REDIC1: variants seen among roughly 807,000 people sequenced by gnomAD.
REDIC1 encodes regulator of DNA class I crossover intermediates 1.
chr12:39,626,190 G>T, the REDIC1 span: 14 of 769,634 alleles, frequency 1.8e-5, no homozygotes, highest in East Asian at 3.4e-4. Flanking sequence ...GGGAGGTTGG[G>T]CCTCAGGCGG....
chr12:39,771,878 A>G, the REDIC1 span, among the ~76,000 whole-genome samples: 1 of 151,988 alleles, frequency 6.6e-6, no homozygotes, highest in Non-Finnish European at 1.5e-5. Flanking sequence ...ACTAAACTAA[A>G]TTACTTATTT....
At chr12:39,856,987 T>G in the REDIC1 span, among the ~76,000 whole-genome samples, 5 of 152,214 alleles carry the variant, frequency 3.3e-5, no homozygotes, top group Admixed American at 6.5e-5. Flanking sequence ...CCTGGATAGT[T>G]TATTTCATTT....
At chr12:39,905,586 T>G in the REDIC1 span, among the ~76,000 whole-genome samples, 1 of 152,150 alleles carries the variant, frequency 6.6e-6, no homozygotes. Flanking sequence ...AGTAAATGTG[T>G]ATGAGTGAAT....
At chr12:39,821,859 C>A in the REDIC1 span, among the ~76,000 whole-genome samples, 1 of 151,968 alleles carries the variant, frequency 6.6e-6, no homozygotes, top group Non-Finnish European at 1.5e-5. Flanking sequence ...ATAATACAAT[C>A]GATCACACGT....
chr12:39,682,292 G>A, the REDIC1 span, among the ~76,000 whole-genome samples: 2 of 152,030 alleles, frequency 1.3e-5, no homozygotes, highest in Non-Finnish European at 2.9e-5. Flanking sequence ...TATAGTGGTT[G>A]TCTAGTTTAT....
chr12:39,803,549 CA>C, the REDIC1 span, among the ~76,000 whole-genome samples: 2 of 152,040 alleles, frequency 1.3e-5, no homozygotes, highest in Admixed American at 1.3e-4. Flanking sequence ...TGAAAAAATA[CA>C]TATATACATA....
the REDIC1 span, among the ~76,000 whole-genome samples, chr12:39,707,365 G>A: frequency 2.0e-5 from 3 of 151,806 alleles, no homozygotes; most frequent in Non-Finnish European, 2.9e-5. Context: ...AATTACAAAC[G>A]CTGATGAGGA....
chr12:39,742,998 A>AC, the REDIC1 span, among the ~76,000 whole-genome samples: 22 of 151,498 alleles, frequency 1.5e-4, no homozygotes, highest in South Asian at 8.4e-4. Context: ...AACTCCATGG[A>AC]CCCCCCACCT....
chr12:39,887,423 T>A, the REDIC1 span, among the ~76,000 whole-genome samples: 2 of 152,104 alleles, frequency 1.3e-5, no homozygotes, highest in Non-Finnish European at 2.9e-5. Context: ...CACTGAGGGC[T>A]CTAGAATCAA....
the REDIC1 span, among the ~76,000 whole-genome samples, chr12:39,741,139 T>C: frequency 6.6e-6 from 1 of 152,170 alleles, no homozygotes; most frequent in African/African-American, 2.4e-5. Flanking sequence ...AAACATGTCC[T>C]TAATTTAGAG....
At chr12:39,700,322 C>T in the REDIC1 span, among the ~76,000 whole-genome samples, 2 of 152,024 alleles carry the variant, frequency 1.3e-5, no homozygotes, top group Non-Finnish European at 2.9e-5. Context: ...ATGCGATCAA[C>T]TGGAAGAAAG....
the REDIC1 span, among the ~76,000 whole-genome samples, chr12:39,851,823 T>G: frequency 1.3e-5 from 2 of 152,202 alleles, no homozygotes; most frequent in African/African-American, 4.8e-5. Flanking sequence ...TTTTCAAAAT[T>G]TATTTTCCAT....
chr12:39,854,607 C>A, the REDIC1 span, among the ~76,000 whole-genome samples: 1 of 152,150 alleles, frequency 6.6e-6, no homozygotes, highest in Non-Finnish European at 1.5e-5. Context: ...AGACTCTTCT[C>A]CCTCCAATCT....
the REDIC1 span, among the ~76,000 whole-genome samples, chr12:39,653,551 C>T: frequency 8.9e-4 from 109 of 122,622 alleles, 5 homozygotes; most frequent in African/African-American, 2.1e-3. Flanking sequence ...TCTTCTTCTT[C>T]TTCTTCTTTC....
chr12:39,742,158 A>T, the REDIC1 span, among the ~76,000 whole-genome samples: 1 of 151,586 alleles, frequency 6.6e-6, no homozygotes, highest in Non-Finnish European at 1.5e-5. Flanking sequence ...GAGGGGGTCC[A>T]CTCGGTCAGT....
the REDIC1 span, among the ~76,000 whole-genome samples, chr12:39,669,670 G>A: frequency 1.4e-3 from 217 of 152,362 alleles, 1 homozygote; most frequent in Middle Eastern, 0.014. Context: ...ACAGAGGCAG[G>A]CAGGCCTCCT....
At chr12:39,643,980 TAATTAGTTTGTAATTTTTGAGCTC>T in the REDIC1 span, 5 of 1,266,998 alleles carry the variant, frequency 3.9e-6, no homozygotes, top group East Asian at 1.3e-4. Context: ...TTTAGTCTTC[TAATTAGTTTGTAATTTTTGAGCTC>T]AAAGCATGTG....
the REDIC1 span, among the ~76,000 whole-genome samples, chr12:39,761,726 G>A: frequency 6.6e-6 from 1 of 151,706 alleles, no homozygotes; most frequent in African/African-American, 2.4e-5. Context: ...TAGCAGGGAG[G>A]GACAAAGACG....
the REDIC1 span, among the ~76,000 whole-genome samples, chr12:39,687,359 A>C: frequency 6.6e-6 from 1 of 152,226 alleles, no homozygotes; most frequent in Non-Finnish European, 1.5e-5. Flanking sequence ...CACATGCTGT[A>C]TAGGAAGCAG....
Sources: gnomAD v4.1 joint callset for allele counts (sites outside exome capture counted in the v4.1 genomes callset) on GRCh38, gnomAD v4.1.1 for gene constraint, MANE v1.5 for transcripts, NCBI Gene and HGNC (gene_info 2026-07-23, HGNC 2026-07-21) for gene names.